Variants in REV3L observed in about 807,000 individuals in gnomAD.
The protein encoded by REV3L is DNA polymerase zeta catalytic subunit.
Under a neutral mutation model 299.4 loss-of-function variants are expected in REV3L, and 69 were observed. That is an observed-to-expected ratio of 0.23 (90% CI 0.19 to 0.28). REV3L has a LOEUF of 0.28. Among genes scored for constraint, REV3L ranks in the 10% least tolerant of loss-of-function variants. The pLI, the probability that REV3L is intolerant of heterozygous loss-of-function variation, is 1.00. For synonymous variants in REV3L, 1,238 were observed against 1,271.4 expected, an observed-to-expected ratio of 0.97 and a Z score of 0.56; for missense variants, 3,128 against 3,693.8, an observed-to-expected ratio of 0.85 and a Z score of 3.97.
intron 1 of REV3L, chr6:111,430,201 C>G: frequency 1.2e-6 from 1 of 814,356 alleles, no homozygotes; most frequent in South Asian, 1.3e-5. Flanking sequence ...AGCACTTTAG[C>G]CAAACAAGAA....
intron 1 of REV3L, among the ~76,000 whole-genome samples, chr6:111,445,418 AAAATT>A (rs1363119539): frequency 6.6e-5 from 10 of 152,230 alleles, no homozygotes; most frequent in African/African-American, 2.2e-4. Context: ...TAAAATAAAG[AAAATT>A]AAAAGTATTA....
At chr6:111,453,860 C>T (rs1789846418) in intron 1 of REV3L, among the ~76,000 whole-genome samples, 1 of 152,036 alleles carries the variant, frequency 6.6e-6, no homozygotes, top group Non-Finnish European at 1.5e-5. Context: ...GTGGCGCATG[C>T]CTGTGGTCCC....
intron 1 of REV3L, chr6:111,460,498 A>C (rs1332781581): frequency 6.6e-6 from 1 of 152,114 alleles, no homozygotes; most frequent in African/African-American, 2.4e-5. Context: ...GACATCTTTT[A>C]AGTACTGAAA....
At chr6:111,480,403 T>G (rs936380324) in intron 1 of REV3L, among the ~76,000 whole-genome samples, 3 of 152,202 alleles carry the variant, frequency 2.0e-5, no homozygotes, top group Non-Finnish European at 4.4e-5. Context: ...TAAGTCAGAC[T>G]GGCCTCTCTT....
intron 1 of REV3L, among the ~76,000 whole-genome samples, chr6:111,422,103 C>G (rs1274227379): frequency 6.6e-6 from 1 of 152,048 alleles, no homozygotes; most frequent in African/African-American, 2.4e-5. Flanking sequence ...TAAAAATGTA[C>G]ACGAAGATTC....
chr6:111,461,493 CTT>C (rs1417159968), intron 1 of REV3L, among the ~76,000 whole-genome samples: 3 of 151,906 alleles, frequency 2.0e-5, no homozygotes, highest in African/African-American at 7.2e-5. Context: ...TTATTGAAGA[CTT>C]TTTAAAAATA....
chr6:111,301,418 T>G (rs1298572941), intron 31 of REV3L, among the ~76,000 whole-genome samples: 28 of 151,242 alleles, frequency 1.9e-4, no homozygotes, highest in Admixed American at 1.8e-3. Flanking sequence ...AAACCCCTAA[T>G]AAAAACTTGC....
chr6:111,409,693 A>G (rs1392046174), intron 3 of REV3L, among the ~76,000 whole-genome samples: 2 of 152,204 alleles, frequency 1.3e-5, no homozygotes, highest in African/African-American at 2.4e-5. Flanking sequence ...TTAACTAGAA[A>G]AAAGTAGACA....
intron 31 of REV3L, among the ~76,000 whole-genome samples, chr6:111,301,792 C>CT (rs1771573113): frequency 6.6e-6 from 1 of 151,854 alleles, no homozygotes; most frequent in Admixed American, 6.6e-5. Flanking sequence ...TTTAAAAATA[C>CT]TTTAAAGTCT....
chr6:111,430,773 A>G (rs768677843), intron 1 of REV3L: 21 of 1,604,498 alleles, frequency 1.3e-5, no homozygotes, highest in Non-Finnish European at 1.8e-5. Flanking sequence ...GCGCAGGAGC[A>G]GCTTGACCGC....
chr6:111,471,984 CA>C, intron 1 of REV3L: 1 of 1,159,970 alleles, frequency 8.6e-7, no homozygotes, highest in Admixed American at 3.9e-5. Flanking sequence ...CCCTCACCCC[CA>C]ATATATTAAC....
intron 16 of REV3L, 29 bp from the exon 17 acceptor site, chr6:111,359,043 TA>T: frequency 6.4e-7 from 1 of 1,560,232 alleles, no homozygotes; most frequent in South Asian, 1.2e-5. Flanking sequence ...ACTATGTTTT[TA>T]AAACATTTTT....
rs1025624769 is a variant in REV3L, at chr6:111,471,374, T to C, written c.139+11376A>G. 3.3e-5 allele frequency among the ~76,000 whole-genome samples: 5 copies of C among 152,184 alleles called. No homozygotes were observed. In the South Asian group the frequency reaches 8.3e-4, roughly 25 times the overall value. On this transcript the variant is annotated intron_variant, in intron 1 of 31. Transcript: ENST00000368802. ...TTTAAACAGGCAATTACCTAGACTG[T>C]AGATATGTCACTAACGAAATGTAAA...
At chr6:111,383,414 T>C (rs762311572) in intron 9 of REV3L, among the ~76,000 whole-genome samples, 8 of 152,210 alleles carry the variant, frequency 5.3e-5, no homozygotes, top group Non-Finnish European at 1.0e-4. Flanking sequence ...TTCAGCGAAG[T>C]TGCAGGATAC....
intron 1 of REV3L, among the ~76,000 whole-genome samples, chr6:111,425,074 C>A (rs1265556079): frequency 6.6e-6 from 1 of 152,202 alleles, no homozygotes; most frequent in Non-Finnish European, 1.5e-5. Flanking sequence ...AACATACTCA[C>A]AGAGCCCCTC....
intron 16 of REV3L, among the ~76,000 whole-genome samples, chr6:111,361,124 C>T (rs1320071064): frequency 6.6e-6 from 1 of 152,030 alleles, no homozygotes; most frequent in African/African-American, 2.4e-5. Flanking sequence ...TGGCTTATGC[C>T]TGTAATCCCA....
intron 3 of REV3L, among the ~76,000 whole-genome samples, chr6:111,406,032 G>A (rs945104591): frequency 6.6e-6 from 1 of 152,056 alleles, no homozygotes; most frequent in South Asian, 2.1e-4. Flanking sequence ...TTTCTTTCCT[G>A]AGTATTTTTT....
Position 111,375,075 on chromosome 6 carries a change from C to T in REV3L, c.3280G>A (p.Ala1094Thr), listed in dbSNP as rs146319319. ...ILSPPSPSYNAETEDCDLNYS... is the reference protein window; with the variant it reads ...ILSPPSPSYNTETEDCDLNYS... ...TTCAGGTCACAATCTTCGGTTTCAGCATTGTAAGATGGTGAGGGAGGAGAA... is the reference window on the plus strand; with the variant it reads ...TTCAGGTCACAATCTTCGGTTTCAGTATTGTAAGATGGTGAGGGAGGAGAA... Residue 1094 changes from alanine (A) to threonine (T), a missense_variant, in exon 13 of 32, where the codon GCT (alanine) becomes ACT (threonine). Coordinates refer to ENST00000368802, the MANE Select transcript of REV3L (RefSeq NM_001372078.1). The T allele has an allele frequency of 4.2e-4, 670 of 1,613,816 alleles. No homozygotes were observed. Among genetic ancestry groups the T allele is most frequent in the Non-Finnish European group, 5.4e-4 (633 of 1,179,922 alleles).
intron 24 of REV3L, among the ~76,000 whole-genome samples, chr6:111,329,958 C>T (rs886997241): frequency 6.6e-6 from 1 of 152,162 alleles, no homozygotes; most frequent in Non-Finnish European, 1.5e-5. Flanking sequence ...ATAAATCTAA[C>T]AGAGCACTTC....
Sources: allele counts gnomAD v4.1 joint callset (sites outside exome capture counted in the v4.1 genomes callset), GRCh38; gene constraint gnomAD v4.1.1; transcripts MANE v1.5; gene names NCBI Gene and HGNC (gene_info 2026-07-23, HGNC 2026-07-21).